Variants in TNIP3 observed in about 807,000 individuals in gnomAD.
TNIP3 encodes TNFAIP3-interacting protein 3.
A neutral mutation model predicts 54.1 loss-of-function variants in TNIP3; 34 were observed. The ratio of observed to expected loss-of-function variants is 0.63; its 90% CI spans 0.48 to 0.84. The LOEUF (loss-of-function observed/expected upper bound fraction) is 0.84, where lower values mean the gene tolerates loss of function less well. TNIP3 is among the 40% of genes least tolerant of loss of function. The pLI is 0.00. For synonymous variants in TNIP3, 134 were observed against 136.8 expected (o/e 0.98, Z 0.14); for missense variants, 366 against 387.6 (o/e 0.94, Z 0.47).
At chr4:121,170,792 C>A (rs1024352625) in intron 3 of TNIP3, among the ~76,000 whole-genome samples, 1 of 151,976 alleles carries the variant, frequency 6.6e-6, no homozygotes, top group African/African-American at 2.4e-5. Context: ...TTTTATGTAG[C>A]TAATTCTTTC....
intron 10 of TNIP3, chr4:121,136,547 T>C (rs1728796026): frequency 6.6e-6 from 1 of 152,050 alleles, no homozygotes. Flanking sequence ...AAGATTGAAA[T>C]AATGCTTTAA....
At chr4:121,216,405 C>A (rs940229105) in intron 2 of TNIP3, 25 of 1,532,324 alleles carry the variant, frequency 1.6e-5, no homozygotes, top group African/African-American at 2.7e-5. Context: ...TCCAAATAAA[C>A]TGTTATTACC....
intron 10 of TNIP3, among the ~76,000 whole-genome samples, chr4:121,135,244 A>G (rs1176627948): frequency 6.6e-6 from 1 of 152,154 alleles, no homozygotes; most frequent in Non-Finnish European, 1.5e-5. Context: ...TGCTTGATTC[A>G]TGAGATTTAC....
At position 121,141,740 on chromosome 4, in the gene TNIP3, GCTGAAATT is replaced by G. The variant is rs1489774416; in HGVS notation, c.885+68_885+75del. On this transcript the variant is annotated intron_variant, in intron 9 of 10. Coordinates refer to ENST00000057513, the MANE Select transcript of TNIP3 (RefSeq NM_024873.6). Reference sequence around the variant, plus strand: ...GCTCTTGCTGTAGATAATATAATGTGCTGAAATTCCAGAGATGCACATAATTTCTACCA... The same window carrying G: ...GCTCTTGCTGTAGATAATATAATGTGCCAGAGATGCACATAATTTCTACCA... The G allele has an allele frequency of 7.0e-6, 7 of 1,004,400 alleles. No homozygotes were observed. In the East Asian group the frequency reaches 1.7e-4, roughly 25 times the overall value. 62.2% of individuals were successfully genotyped at this position (1,004,400 alleles called of 1,614,324 possible). A position where few individuals can be genotyped will look rare whatever the true frequency, so the allele number is the denominator to read the frequency against.
At chr4:121,218,205 T>C (rs1037458056), upstream of TNIP3, among the ~76,000 whole-genome samples, 9 of 152,214 alleles carry the variant, frequency 5.9e-5, no homozygotes, top group African/African-American at 2.2e-4. Context: ...TTAGGCAATG[T>C]CATTGTATTA....
At chr4:121,161,065 G>A (rs542023885) in intron 2 of TNIP3, 71 bp downstream of exon 2, 2 of 1,202,506 alleles carry the variant, frequency 1.7e-6, no homozygotes, top group Non-Finnish European at 2.4e-6. Context: ...AAAGGCACAA[G>A]GATAATACAT....
intron 1 of TNIP3, among the ~76,000 whole-genome samples, chr4:121,222,821 T>TTC (rs1727089518): frequency 6.8e-6 from 1 of 147,820 alleles, no homozygotes; most frequent in Non-Finnish European, 1.5e-5. Flanking sequence ...TTTTTTTTTT[T>TTC]TTGAGACGGA....
chr4:121,163,382 A>T (rs1165848703), intron 1 of TNIP3, among the ~76,000 whole-genome samples: 2 of 152,330 alleles, frequency 1.3e-5, no homozygotes, highest in Admixed American at 1.3e-4. Context: ...GATTTGCAGT[A>T]ACTACAAAGA....
intron 2 of TNIP3, among the ~76,000 whole-genome samples, chr4:121,196,404 T>A (rs770805242): frequency 1.3e-5 from 2 of 152,170 alleles, no homozygotes; most frequent in African/African-American, 4.8e-5. Context: ...TTTTTTTAAG[T>A]TAGAAAATAA....
At chr4:121,182,472 C>G (rs1724769298) in intron 3 of TNIP3, among the ~76,000 whole-genome samples, 1 of 152,126 alleles carries the variant, frequency 6.6e-6, no homozygotes, top group Non-Finnish European at 1.5e-5. Flanking sequence ...AAAGTGCCAG[C>G]AAATTCTTCT....
At chr4:121,193,298 G>A (rs924949728) in intron 2 of TNIP3, among the ~76,000 whole-genome samples, 9 of 151,992 alleles carry the variant, frequency 5.9e-5, no homozygotes, top group African/African-American at 2.2e-4. Context: ...TGAAATTGAT[G>A]AGCCTGGAAT....
intron 1 of TNIP3, among the ~76,000 whole-genome samples, chr4:121,222,804 G>GTTTTTTTTTTTTTTTT (rs138758827): frequency 9.5e-6 from 1 of 105,766 alleles, no homozygotes; most frequent in East Asian, 3.0e-4. Flanking sequence ...TTTTTTGTGC[G>GTTTTTTTTTTTTTTTT]TTTTTTTTTT....
intron 3 of TNIP3, among the ~76,000 whole-genome samples, chr4:121,179,576 A>T (rs1204630061): frequency 6.6e-6 from 1 of 152,222 alleles, no homozygotes; most frequent in East Asian, 1.9e-4. Context: ...TTTTCAGTAC[A>T]TTAGTAAGAT....
chr4:121,220,090 G>A (rs1726968146), upstream of TNIP3, among the ~76,000 whole-genome samples: 1 of 152,030 alleles, frequency 6.6e-6, no homozygotes, highest in South Asian at 2.1e-4. Context: ...ATACATATGT[G>A]TACATTCACA....
chr4:121,153,055 G>A (rs1729856231), intron 5 of TNIP3, among the ~76,000 whole-genome samples: 1 of 152,088 alleles, frequency 6.6e-6, no homozygotes, highest in African/African-American at 2.4e-5. Flanking sequence ...ATTTTAATTA[G>A]GACAGCCAGA....
intron 9 of TNIP3, 106 bp downstream of exon 9, chr4:121,141,710 C>G (rs773080384): frequency 4.2e-5 from 30 of 720,478 alleles, no homozygotes; most frequent in Non-Finnish European, 5.5e-5. Flanking sequence ...TGAGAGAAAA[C>G]AGAGGCTCTT....
intron 2 of TNIP3, among the ~76,000 whole-genome samples, chr4:121,202,577 G>T (rs894139669): frequency 2.6e-5 from 4 of 151,986 alleles, no homozygotes; most frequent in African/African-American, 9.7e-5. Context: ...AAACAAGATA[G>T]ATGGGATTTA....
intron 3 of TNIP3, among the ~76,000 whole-genome samples, chr4:121,173,033 C>T (rs1482417719): frequency 6.6e-6 from 1 of 152,186 alleles, no homozygotes; most frequent in Non-Finnish European, 1.5e-5. Context: ...TTAGAGATGG[C>T]AAATGACTTG....
chr4:121,216,294 A>G, intron 2 of TNIP3: 9 of 803,736 alleles, frequency 1.1e-5, no homozygotes, highest in East Asian at 2.7e-5. Flanking sequence ...TCTATTCTAT[A>G]TAGCTCCATT....
Sources: gnomAD v4.1 joint callset for allele counts (sites outside exome capture counted in the v4.1 genomes callset) on GRCh38, gnomAD v4.1.1 for gene constraint, MANE v1.5 for transcripts, NCBI Gene and HGNC (gene_info 2026-07-23, HGNC 2026-07-21) for gene names.